The following ZBP1 variants were observed in gnomAD, a reference collection of about 807,000 sequenced individuals.
ZBP1 encodes Z-DNA-binding protein 1.
In ZBP1, 42 loss-of-function variants were observed where a neutral mutation model predicts 41.1. The observed-to-expected ratio is 1.02, with a 90% CI of 0.80 to 1.32. The LOEUF is 1.32. Among genes scored for constraint, ZBP1 ranks in the 40% most tolerant of loss-of-function variants. ZBP1 has a pLI of 0.00. For synonymous variants in ZBP1, 214 were observed against 205.2 expected (o/e 1.04, Z -0.37); for missense variants, 562 against 549.7 (o/e 1.02, Z -0.22).
At chr20:57,612,725 T>A (rs2070706530) in intron 5 of ZBP1, among the ~76,000 whole-genome samples, 1 of 152,144 alleles carries the variant, frequency 6.6e-6, no homozygotes, top group Admixed American at 6.5e-5. Flanking sequence ...TCCAGCCTGT[T>A]AAAATGTGGG....
chr20:57,612,215 G>C (rs1174555890), intron 5 of ZBP1, among the ~76,000 whole-genome samples: 2 of 152,162 alleles, frequency 1.3e-5, no homozygotes, highest in Non-Finnish European at 2.9e-5. Flanking sequence ...CGAGCCTTCT[G>C]ACCTCATGGG....
Position 57,604,591 on chromosome 20 carries a change from C to G in ZBP1, c.1272G>C (p.Trp424Cys). 1.2e-6 allele frequency: 2 copies of G among 1,613,856 alleles called. No individual in the cohort carries two copies. Among genetic ancestry groups the G allele is most frequent in the South Asian group, 2.2e-5 (2 of 91,028 alleles). Residue 424 changes from tryptophan (W) to cysteine (C), a missense_variant, in exon 8 of 8, where the codon TGG (tryptophan) becomes TGC (cysteine). By Grantham distance (215) the Trp-to-Cys change is radical. Transcript: ENST00000371173. ...CTGTGCACTAAATCCCACCTCCCCA[C>G]CAGCTCCCCTCGTGTGAGGCTTCAT... ...YVDEASHEGSWWGGGI is the reference protein window; with the variant it reads ...YVDEASHEGSCWGGGI
At position 57,610,432 on chromosome 20, in the gene ZBP1, C is replaced by A; in HGVS notation, c.875-65G>T. ...CTGGACAGTGGCCGGGAACCCTGAC[C>A]CCCAGCCTGGTTCACCCTCCTCCCC... On this transcript the variant is annotated intron_variant, in intron 6 of 7. Transcript: ENST00000371173. The surrounding 1 kb of genome is among the most constrained non-coding windows in gnomAD (Gnocchi z 5.5). 10 of 1,566,696 alleles carry A rather than the reference C, an allele frequency of 6.4e-6. No homozygotes were observed. Among genetic ancestry groups the A allele is most frequent in the Non-Finnish European group, 8.8e-6 (10 of 1,140,882 alleles).
chr20:57,611,514 C>T (rs1163090783), intron 6 of ZBP1, among the ~76,000 whole-genome samples: 1 of 145,130 alleles, frequency 6.9e-6, no homozygotes, highest in African/African-American at 2.6e-5. Context: ...GCTTTGGCTT[C>T]CCAAAGTGCT....
At chr20:57,615,398 G>T in intron 3 of ZBP1, 114 bp downstream of exon 3, 1 of 1,125,970 alleles carries the variant, frequency 8.9e-7, no homozygotes. Flanking sequence ...CTGCCTGGTG[G>T]GTGGGACAGG....
Position 57,610,641 on chromosome 20 carries a change from C to T in ZBP1, c.875-274G>A. 1.9e-6 allele frequency: 1 copy of T among 529,170 alleles called. No individual in the cohort carries two copies. The highest frequency in any genetic ancestry group is 2.2e-5 in the South Asian group (1 of 46,088). 32.8% of individuals were successfully genotyped at this position (529,170 alleles called of 1,614,324 possible). ...GGCTGATCTGGACGTCAGTGTCTTCCTCTGGGATTCAGCTCCTCTCTCCTC... is the reference window on the plus strand; with the variant it reads ...GGCTGATCTGGACGTCAGTGTCTTCTTCTGGGATTCAGCTCCTCTCTCCTC... On this transcript the variant is annotated intron_variant, in intron 6 of 7. Transcript: ENST00000371173. The surrounding 1 kb of genome is among the most constrained non-coding windows in gnomAD (Gnocchi z 5.5).
chr20:57,617,572 T>C (rs1251349677), intron 1 of ZBP1: 1 of 152,394 alleles, frequency 6.6e-6, no homozygotes, highest in East Asian at 1.9e-4. Context: ...AATGAATGAA[T>C]GGGGCCAGGA....
At position 57,604,290 on chromosome 20, in the gene ZBP1, C is replaced by A. The variant is rs1403886631; in HGVS notation, c.*283G>T. 1.7e-6 allele frequency: 1 copy of A among 581,512 alleles called. No individual in the cohort carries two copies. The highest frequency in any genetic ancestry group is 2.2e-5 in the Admixed American group (1 of 45,340). 36.0% of individuals were successfully genotyped at this position (581,512 alleles called of 1,614,324 possible). On this transcript the variant is annotated 3_prime_UTR_variant, in exon 8 of 8. Transcript: ENST00000371173. ...GAGCCCAGGAAAGAGTGGAGAGAGT[C>A]CCCTGGGCCTGGGGGACCGAGCCCC...
intron 2 of ZBP1, 33 bp from the exon 3 acceptor site, chr20:57,615,613 G>T (rs201748760): frequency 1.3e-6 from 2 of 1,596,730 alleles, no homozygotes; most frequent in East Asian, 2.3e-5. Flanking sequence ...GAGGGGTGGG[G>T]GACAGAAGAC....
intron 2 of ZBP1, 55 bp from the exon 3 acceptor site, chr20:57,615,635 T>C: frequency 6.6e-7 from 1 of 1,524,028 alleles, no homozygotes; most frequent in Non-Finnish European, 9.0e-7. Context: ...GCACCAGGCC[T>C]CCACCCCACA....
chr20:57,609,786 G>A lies in ZBP1; in HGVS notation c.1093+363C>T, dbSNP rs150696248. The stretch of plus-strand genomic sequence containing the variant: ...CCAAAACAATCACCACAACAATGAT[G>A]AGACAATAACACTCCTATCTCCTGA... On this transcript the variant is annotated intron_variant, in intron 7 of 7. Transcript: ENST00000371173. 4.3e-3 allele frequency among the ~76,000 whole-genome samples: 658 copies of A among 152,242 alleles called. 2 individuals are homozygous for A. The highest frequency in any genetic ancestry group is 0.014 in the South Asian group (66 of 4,824).
In ZBP1 at chr20:57,620,319, G is replaced by C; in HGVS notation, c.-24C>G. On this transcript the variant is annotated 5_prime_UTR_variant, in exon 1 of 8. Transcript: ENST00000371173. Reference sequence around the variant, plus strand: ...ATGCTGACAGCAGCTGCAAGGAGTCGGAGAGACTTGGCAGGTGTGCAGGCT... The same window carrying C: ...ATGCTGACAGCAGCTGCAAGGAGTCCGAGAGACTTGGCAGGTGTGCAGGCT... The C allele has an allele frequency of 6.3e-7, 1 of 1,588,212 alleles. No individual in the cohort carries two copies. The highest frequency in any genetic ancestry group is 8.6e-7 in the Non-Finnish European group (1 of 1,166,638).
At chr20:57,615,838 C>G (rs2070809213) in intron 2 of ZBP1, 2 of 542,836 alleles carry the variant, frequency 3.7e-6, no homozygotes, top group Non-Finnish European at 6.4e-6. Flanking sequence ...CAAAACAGTG[C>G]CTGGCTAATC....
At position 57,616,468 on chromosome 20, in the gene ZBP1, C is replaced by T. The variant is rs201798135; in HGVS notation, c.35G>A (p.Gly12Asp). Residue 12 changes from glycine to aspartate, a missense_variant and splice_region_variant, in exon 2 of 8, where the codon GGC (glycine) becomes GAC (aspartate). Gly to Asp is a moderately conservative substitution (Grantham distance 94). Coordinates refer to ENST00000371173, the MANE Select transcript of ZBP1 (RefSeq NM_030776.3). ...AQAPADPGRE[G>D]HLEQRILQVL... ...CTGCAGGATTCTTTGTTCAAGGTGG[C>T]CTGGGGGAGCGAGCGGGGGACAGAG... 4 of 1,613,014 alleles carry T rather than the reference C, an allele frequency of 2.5e-6. No individual in the cohort carries two copies. Among genetic ancestry groups the T allele is most frequent in the African/African-American group, 1.3e-5 (1 of 75,012 alleles).
chr20:57,607,702 C>A (rs2070531931), intron 7 of ZBP1, among the ~76,000 whole-genome samples: 1 of 152,216 alleles, frequency 6.6e-6, no homozygotes, highest in African/African-American at 2.4e-5. Flanking sequence ...GCTGCCTCCA[C>A]CTTCAGCAAC....
intron 7 of ZBP1, among the ~76,000 whole-genome samples, chr20:57,606,483 G>A (rs866378852): frequency 4.6e-5 from 7 of 152,220 alleles, no homozygotes; most frequent in Non-Finnish European, 1.0e-4. Context: ...ATTGATGAGC[G>A]TGACTACACA....
rs1453867350 is a variant in ZBP1, at chr20:57,604,520, C to T, written c.*53G>A. The stretch of plus-strand genomic sequence containing the variant: ...ATGCAGAGAGCAGCAGGCTAGTCTC[C>T]CTAGCATGCGCCCACCCCCAGCCTG... On this transcript the variant is annotated 3_prime_UTR_variant, in exon 8 of 8. Coordinates refer to ENST00000371173, the MANE Select transcript of ZBP1 (RefSeq NM_030776.3). The T allele has an allele frequency of 6.3e-7, 1 of 1,581,230 alleles. No homozygotes were observed. Among genetic ancestry groups the T allele is most frequent in the Non-Finnish European group, 8.7e-7 (1 of 1,152,154 alleles).
rs764979985 is a variant in ZBP1, at chr20:57,616,211, G to A, written c.259+33C>T. The A allele has an allele frequency of 6.2e-6, 10 of 1,604,164 alleles. No homozygotes were observed. The Admixed American group carries it at 1.3e-4, about 21-fold the overall frequency. Reference sequence around the variant, plus strand: ...GTCCATTGCCAGGATGCTCCCTGCAGGGTCAGACCCGCCTCCCCGGGGTGG... The same window carrying A: ...GTCCATTGCCAGGATGCTCCCTGCAAGGTCAGACCCGCCTCCCCGGGGTGG... On this transcript the variant is annotated intron_variant, in intron 2 of 7. Coordinates refer to ENST00000371173, the MANE Select transcript of ZBP1 (RefSeq NM_030776.3).
chr20:57,605,651 T>A (rs550523800), intron 7 of ZBP1, among the ~76,000 whole-genome samples: 1 of 152,132 alleles, frequency 6.6e-6, no homozygotes, highest in East Asian at 1.9e-4. Flanking sequence ...AACCCTACAA[T>A]GGGCCGGGCG....
Sources: allele counts gnomAD v4.1 joint callset (sites outside exome capture counted in the v4.1 genomes callset), GRCh38; gene constraint gnomAD v4.1.1; non-coding constraint Gnocchi (gnomAD v3.1); transcripts MANE v1.5; gene names NCBI Gene and HGNC (gene_info 2026-07-23, HGNC 2026-07-21).